R3HDM4: variants seen among roughly 807,000 people sequenced by gnomAD.
R3HDM4 encodes the protein R3H domain-containing protein 4.
R3HDM4 carries 30 observed loss-of-function variants against 31.3 expected under a neutral mutation model. That is an observed-to-expected ratio of 0.96 (90% CI 0.72 to 1.30). The LOEUF (loss-of-function observed/expected upper bound fraction) is 1.30. Ranked by LOEUF, R3HDM4 falls within the 50% of genes most tolerant of loss-of-function variation. R3HDM4 has a pLI of 0.00. For missense variants in R3HDM4, 444 were observed against 366.1 expected (o/e 1.21, Z -1.74); for synonymous variants, 196 against 156.6 (o/e 1.25, Z -1.88).
chr19:903,565 G>A (rs934591929), intron 1 of R3HDM4, among the ~76,000 whole-genome samples: 9 of 152,172 alleles, frequency 5.9e-5, no homozygotes, highest in African/African-American at 2.2e-4. Context: ...GGCCGGTGAG[G>A]GGGGGCCTCA....
rs923376193 is a variant in R3HDM4 at position 899,031 on chromosome 19, T to G, written c.703+409A>C. On this transcript the variant is annotated intron_variant, in intron 7 of 7. Coordinates refer to ENST00000361574, the MANE Select transcript of R3HDM4 (RefSeq NM_138774.4). The surrounding 1 kb of genome is among the most constrained non-coding windows in gnomAD (Gnocchi z 6.8). ...TGGAAAAGTGGAGCGCAGGGGCCAGTAGGGGGTCTCGCCTGAGGTCCCACG... is the reference window on the plus strand; with the variant it reads ...TGGAAAAGTGGAGCGCAGGGGCCAGGAGGGGGTCTCGCCTGAGGTCCCACG... 3.9e-5 allele frequency among the ~76,000 whole-genome samples: 6 copies of G among 152,140 alleles called. No individual in the cohort carries two copies. In the East Asian group the frequency reaches 1.2e-3, roughly 29 times the overall value.
At chr19:905,583 G>A (rs2036892791) in intron 1 of R3HDM4, among the ~76,000 whole-genome samples, 1 of 150,986 alleles carries the variant, frequency 6.6e-6, no homozygotes, top group Non-Finnish European at 1.5e-5. Context: ...TACTCGGGAG[G>A]CTGAGGCAGG....
In R3HDM4 at chr19:899,702, C is replaced by T. The variant is rs779185724; in HGVS notation, c.562-16G>A. Reference sequence around the variant, plus strand: ...CCAGCGTTTCCTGGGGAGAGCGGCCCGGTGGTCAGGGAACTGCGGGACCTG... The same window carrying T: ...CCAGCGTTTCCTGGGGAGAGCGGCCTGGTGGTCAGGGAACTGCGGGACCTG... On this transcript the variant is annotated splice_polypyrimidine_tract_variant and intron_variant, in intron 5 of 7. Coordinates refer to ENST00000361574, the MANE Select transcript of R3HDM4 (RefSeq NM_138774.4). This position sits in a 1 kb window ranked among gnomAD's most constrained non-coding sequence, Gnocchi z 6.8. The T allele has an allele frequency of 1.7e-5, 26 of 1,553,152 alleles. No individual in the cohort carries two copies. The East Asian group carries it at 3.7e-4, about 22-fold the overall frequency.
At chr19:901,591 AC>A in intron 2 of R3HDM4, 45 bp from the exon 3 acceptor site, 3 of 1,571,364 alleles carry the variant, frequency 1.9e-6, no homozygotes, top group Non-Finnish European at 2.6e-6. Context: ...GCATTTGGGG[AC>A]CCCCAGGCAC....
At position 913,059 on chromosome 19, in the gene R3HDM4, CCG is replaced by C; in HGVS notation, c.71+26_71+27del. ...AGGGAGCCCAGCCCGCCCCCGGCGC[CCG>C]CCGCGCCCCGCCCGCCCGCGCTCAC... is the stretch of plus-strand genomic sequence containing the variant. On this transcript the variant is annotated intron_variant, in intron 1 of 7. Transcript: ENST00000361574. This position sits in a 1 kb window ranked among gnomAD's most constrained non-coding sequence, Gnocchi z 5.0. 2 of 987,530 alleles carry C rather than the reference CCG, an allele frequency of 2.0e-6. No homozygotes were observed. Among genetic ancestry groups the C allele is most frequent in the Non-Finnish European group, 2.4e-6 (2 of 820,046 alleles). 61.2% of individuals were successfully genotyped at this position (987,530 alleles called of 1,614,324 possible).
chr19:900,867 C>A lies in R3HDM4; in HGVS notation c.437G>T (p.Arg146Leu). 6.4e-7 allele frequency: 1 copy of A among 1,558,420 alleles called. No homozygotes were observed. Among genetic ancestry groups the A allele is most frequent in the Non-Finnish European group, 8.7e-7 (1 of 1,153,064 alleles). The part of the protein sequence containing the change: ...YLEDEGRSKA[R>L]RRGPGRGEDR... Reference sequence around the variant, plus strand: ...CTCCCCACGGCCAGGGCCCCTCCTCCGCGCCTTGCTCCTGCCCTCATCCTC... The same window carrying A: ...CTCCCCACGGCCAGGGCCCCTCCTCAGCGCCTTGCTCCTGCCCTCATCCTC... Residue 146 changes from arginine (R) to leucine (L), a missense_variant, in exon 4 of 8, where the codon CGG becomes CTG. Physicochemically the swap from Arg to Leu is moderately radical, Grantham distance 102. Transcript: ENST00000361574.
chr19:908,844 C>T (rs1004140682), intron 1 of R3HDM4, among the ~76,000 whole-genome samples: 1 of 152,032 alleles, frequency 6.6e-6, no homozygotes, highest in Non-Finnish European at 1.5e-5. Flanking sequence ...CTTCTTTGCT[C>T]CTTAATCACT....
chr19:913,044 G>A lies in R3HDM4; in HGVS notation c.71+43C>T. ...AGAGGATCTCAGGGGAGGGAGCCCA[G>A]CCCGCCCCCGGCGCCCGCCGCGCCC... On this transcript the variant is annotated intron_variant, in intron 1 of 7. Coordinates refer to ENST00000361574, the MANE Select transcript of R3HDM4 (RefSeq NM_138774.4). The surrounding 1 kb of genome is among the most constrained non-coding windows in gnomAD (Gnocchi z 5.0). The A allele has an allele frequency of 1.3e-6, 1 of 769,254 alleles. No homozygotes were observed. The highest frequency in any genetic ancestry group is 1.6e-6 in the Non-Finnish European group (1 of 624,670). 47.7% of individuals were successfully genotyped at this position (769,254 alleles called of 1,614,324 possible).
chr19:913,108 G>A lies in R3HDM4; in HGVS notation c.50C>T (p.Thr17Ile), dbSNP rs1017420693. 1.8e-5 allele frequency: 19 copies of A among 1,082,810 alleles called. No individual in the cohort carries two copies. The highest frequency in any genetic ancestry group is 1.8e-5 in the Non-Finnish European group (16 of 893,926). 67.1% of individuals were successfully genotyped at this position (1,082,810 alleles called of 1,614,324 possible). Residue 17 changes from threonine to isoleucine, a missense_variant, in exon 1 of 8, where the codon ACC (threonine) becomes ATC (isoleucine). Physicochemically the swap from Thr to Ile is moderately conservative, Grantham distance 89. Transcript: ENST00000361574. The surrounding 1 kb of genome is among the most constrained non-coding windows in gnomAD (Gnocchi z 5.0). The stretch of plus-strand genomic sequence containing the variant: ...TCACAGCAGCCGCCGCCCGCCCGGG[G>A]TGCCCTCCGCCGCCTCCGGGCCGCA... ...PECGPEAAEG[T>I]PGGRRLLPLP... is the part of the protein sequence containing the mutation.
chr19:900,456 C>T (rs1271346427), intron 4 of R3HDM4, among the ~76,000 whole-genome samples: 1 of 151,166 alleles, frequency 6.6e-6, no homozygotes, highest in Non-Finnish European at 1.5e-5. Flanking sequence ...CCATCCAGAT[C>T]CTGCCCCCAC....
Position 901,452 on chromosome 19 carries a change from G to C in R3HDM4, c.321C>G (p.Ala107=), listed in dbSNP as rs749978069. The C allele has an allele frequency of 6.2e-7, 1 of 1,608,608 alleles. No individual in the cohort carries two copies. The highest frequency in any genetic ancestry group is 1.3e-5 in the African/African-American group (1 of 74,992). The part of the protein sequence containing the change: ...LAPPASPGIF[A]EACNNATYVE... ...CATAGGTGGCGTTGTTGCAGGCCTC[G>C]GCAAAGATGCCTGGTGATGCAGGGG... The change falls in exon 3 of 8, where the codon GCC becomes GCG. Residue 107 remains alanine (A), a synonymous_variant. Coordinates refer to ENST00000361574, the MANE Select transcript of R3HDM4 (RefSeq NM_138774.4).
rs59481135 is a variant in R3HDM4, at chr19:906,703, G to A, written c.72-4573C>T. Among the ~76,000 whole-genome samples, 8 of 152,060 alleles carry A rather than the reference G, an allele frequency of 5.3e-5. No homozygotes were observed. The East Asian group carries it at 1.2e-3, about 22-fold the overall frequency. On this transcript the variant is annotated intron_variant, in intron 1 of 7. Coordinates refer to ENST00000361574, the MANE Select transcript of R3HDM4 (RefSeq NM_138774.4). ...CACACTGCTTTTGATCGTAAGTGTC[G>A]CTGGACTGAGTATTTTCCCCACATT...
rs757670995 is a variant in R3HDM4, at chr19:907,160, G to C, written c.72-5030C>G. Among the ~76,000 whole-genome samples, 17 of 152,170 alleles carry C rather than the reference G, an allele frequency of 1.1e-4. No homozygotes were observed. Among genetic ancestry groups the C allele is most frequent in the Non-Finnish European group, 2.2e-4 (15 of 68,024 alleles). On this transcript the variant is annotated intron_variant, in intron 1 of 7. Transcript: ENST00000361574. The surrounding 1 kb of genome is among the most constrained non-coding windows in gnomAD (Gnocchi z 4.1). ...ACCAAGGCACAAAGTCACCGCCCAA[G>C]CTCCCATTGCTGCAAAGAGGGCAGC...
intron 1 of R3HDM4, among the ~76,000 whole-genome samples, chr19:906,456 G>T (rs1401879733): frequency 6.6e-6 from 1 of 152,130 alleles, no homozygotes; most frequent in Non-Finnish European, 1.5e-5. Flanking sequence ...CTGACCTCGT[G>T]ATCCGCTCAC....
chr19:909,473 A>G (rs546228622), intron 1 of R3HDM4, among the ~76,000 whole-genome samples: 2 of 152,184 alleles, frequency 1.3e-5, no homozygotes, highest in African/African-American at 2.4e-5. Flanking sequence ...GTATTTACAT[A>G]GTTACATAGG....
At position 902,081 on chromosome 19, in the gene R3HDM4, G is replaced by A. The variant is rs1032946481; in HGVS notation, c.121C>T (p.Leu41Phe). 39 of 1,613,826 alleles carry A rather than the reference G, an allele frequency of 2.4e-5. No homozygotes were observed. Among genetic ancestry groups the A allele is most frequent in the Non-Finnish European group, 3.3e-5 (39 of 1,179,992 alleles). Residue 41 changes from leucine to phenylalanine, a missense_variant, in exon 2 of 8, where the codon CTC becomes TTC. Physicochemically the swap from Leu to Phe is conservative, Grantham distance 22. Transcript: ENST00000361574. ...PALASSQVKR[L>F]SASRRKQHFI... ...TGCTGTTTCCGCCTGGAAGCCGAGA[G>A]TCTCTTCACCTGGGAGCTGGCTAGG...
At chr19:902,874 A>C (rs2365701) in intron 1 of R3HDM4, among the ~76,000 whole-genome samples, 1 of 151,932 alleles carries the variant, frequency 6.6e-6, no homozygotes, top group Non-Finnish European at 1.5e-5. Context: ...CCCGGGAGGC[A>C]GATGCTCCAG....
At position 913,107 on chromosome 19, in the gene R3HDM4, G is replaced by A. The variant is rs1338544283; in HGVS notation, c.51C>T (p.Thr17=). The A allele has an allele frequency of 4.6e-6, 5 of 1,082,286 alleles. No homozygotes were observed. In the South Asian group the frequency reaches 1.5e-4, roughly 33 times the overall value. 67.0% of individuals were successfully genotyped at this position (1,082,286 alleles called of 1,614,324 possible). A position where few individuals can be genotyped will look rare whatever the true frequency, so the allele number is the denominator to read the frequency against. Residue 17 remains threonine (T), a synonymous_variant, in exon 1 of 8, where the codon ACC becomes ACT. Transcript: ENST00000361574. The surrounding 1 kb of genome is among the most constrained non-coding windows in gnomAD (Gnocchi z 5.0). ...PECGPEAAEG[T]PGGRRLLPLP... is the part of the protein sequence containing the mutation. ...CTCACAGCAGCCGCCGCCCGCCCGG[G>A]GTGCCCTCCGCCGCCTCCGGGCCGC... is the stretch of plus-strand genomic sequence containing the variant.
intron 1 of R3HDM4, chr19:902,380 C>A: frequency 2.0e-6 from 1 of 497,142 alleles, no homozygotes; most frequent in Non-Finnish European, 3.6e-6. Context: ...GAGGCTGAGG[C>A]CGGTGGATCA....
Sources: allele counts gnomAD v4.1 joint callset (sites outside exome capture counted in the v4.1 genomes callset), GRCh38; gene constraint gnomAD v4.1.1; non-coding constraint Gnocchi (gnomAD v3.1); transcripts MANE v1.5; gene names NCBI Gene and HGNC (gene_info 2026-07-23, HGNC 2026-07-21).